PHTF2: variants seen among roughly 807,000 people sequenced by gnomAD.
PHTF2 encodes protein PHTF2.
In PHTF2, 60 loss-of-function variants were observed where a neutral mutation model predicts 101.2. That is an observed-to-expected ratio of 0.59 (90% confidence interval 0.48 to 0.73). The LOEUF (loss-of-function observed/expected upper bound fraction) is 0.73. PHTF2 is among the 30% of genes least tolerant of loss of function. PHTF2 has a pLI of 0.00. For missense variants in PHTF2, 747 were observed against 908.7 expected (o/e 0.82, Z 2.29); for synonymous variants, 311 against 307.3 (o/e 1.01, Z -0.13).
Position 77,835,441 on chromosome 7 carries a change from A to G in PHTF2, c.-35-4780A>G, listed in dbSNP as rs140510560. Among the ~76,000 whole-genome samples the G allele has an allele frequency of 2.6e-5, 4 of 152,308 alleles. No homozygotes were observed. In the East Asian group the frequency reaches 7.7e-4, roughly 29 times the overall value. ...TACATTGTTTTCTGAGCCTAGTGAG[A>G]GTCATGCCAGAACAGACAAATTTGT... On this transcript the variant is annotated intron_variant, in intron 1 of 19. Transcript: ENST00000416283.
intron 1 of PHTF2, among the ~76,000 whole-genome samples, chr7:77,812,520 A>C (rs1793518262): frequency 6.6e-6 from 1 of 152,220 alleles, no homozygotes; most frequent in Non-Finnish European, 1.5e-5. Context: ...ATGCTTCACA[A>C]GATGAATCAC....
exon 20 of PHTF2, chr7:77,957,223 T>C (rs1295056264): frequency 6.6e-6 from 1 of 152,018 alleles, no homozygotes; most frequent in Non-Finnish European, 1.5e-5. Context: ...ATTCTGTGAC[T>C]GACGGTGTTT....
rs531168676 is a variant in PHTF2, at chr7:77,854,437, C to T, written c.46-296C>T. 4.6e-5 allele frequency among the ~76,000 whole-genome samples: 7 copies of T among 152,242 alleles called. No individual in the cohort carries two copies. The East Asian group carries it at 9.7e-4, about 21-fold the overall frequency. The stretch of plus-strand genomic sequence containing the variant: ...ACTGTGTCTTGCCCAAGGCCTACAG[C>T]GACTACTACCTGGGCTATCAGTAAC... On this transcript the variant is annotated intron_variant, in intron 2 of 19. Transcript: ENST00000416283.
intron 3 of PHTF2, among the ~76,000 whole-genome samples, chr7:77,855,980 T>C (rs1370153437): frequency 6.6e-6 from 1 of 152,166 alleles, no homozygotes; most frequent in African/African-American, 2.4e-5. Flanking sequence ...TTTATAGAGG[T>C]GCTTTCTTGT....
At chr7:77,902,069 T>A (rs546513512) in intron 7 of PHTF2, 149 bp downstream of exon 6, 3 of 418,928 alleles carry the variant, frequency 7.2e-6, no homozygotes, top group Non-Finnish European at 1.3e-5. Context: ...ATTAAAAATA[T>A]TTGAGAAAAC....
intron 1 of PHTF2, among the ~76,000 whole-genome samples, chr7:77,811,884 T>A (rs1431580890): frequency 6.6e-6 from 1 of 152,164 alleles, no homozygotes; most frequent in Non-Finnish European, 1.5e-5. Context: ...CGGATGAGTA[T>A]ATATGTGGTG....
At chr7:77,944,211 GT>G (rs1247181777) in intron 16 of PHTF2, among the ~76,000 whole-genome samples, 3 of 152,138 alleles carry the variant, frequency 2.0e-5, no homozygotes, top group African/African-American at 7.2e-5. Flanking sequence ...TATTAGTATT[GT>G]ATCCCAGAGA....
At chr7:77,909,253 C>A (rs1802146880) in intron 8 of PHTF2, 1 of 221,212 alleles carries the variant, frequency 4.5e-6, no homozygotes, top group South Asian at 1.8e-4. Context: ...GTTAATAATT[C>A]CTACTACTTA....
chr7:77,900,548 C>A, intron 5 of PHTF2, 163 bp from the exon 5 acceptor site: 1 of 588,864 alleles, frequency 1.7e-6, no homozygotes, highest in African/African-American at 1.9e-5. Flanking sequence ...AAATTTATTA[C>A]AATACTGTAA....
At chr7:77,894,876 T>A (rs1800751067) in intron 5 of PHTF2, among the ~76,000 whole-genome samples, 1 of 151,466 alleles carries the variant, frequency 6.6e-6, no homozygotes, top group South Asian at 2.1e-4. Flanking sequence ...CCCCAAGGAG[T>A]TTGATTTGAT....
At chr7:77,836,714 A>C (rs1433978750) in intron 1 of PHTF2, among the ~76,000 whole-genome samples, 4 of 152,120 alleles carry the variant, frequency 2.6e-5, no homozygotes, top group Admixed American at 2.6e-4. Flanking sequence ...AAACTAACAC[A>C]AGAACAGAAA....
chr7:77,814,734 T>G (rs1449831497), intron 1 of PHTF2, among the ~76,000 whole-genome samples: 1 of 151,912 alleles, frequency 6.6e-6, no homozygotes, highest in Non-Finnish European at 1.5e-5. Flanking sequence ...ATGGTCTCAA[T>G]CTCCTGACCT....
intron 1 of PHTF2, among the ~76,000 whole-genome samples, chr7:77,805,417 G>A (rs937828932): frequency 2.0e-5 from 3 of 151,844 alleles, no homozygotes; most frequent in Admixed American, 2.0e-4. Flanking sequence ...GTTTCTATTC[G>A]TCTTTATTAT....
At chr7:77,864,567 TC>T (rs1010457344) in intron 3 of PHTF2, among the ~76,000 whole-genome samples, 3 of 152,182 alleles carry the variant, frequency 2.0e-5, no homozygotes, top group Admixed American at 1.3e-4. Context: ...TTTGAAGTCT[TC>T]CCATGCTATT....
chr7:77,954,624 A>ATG (rs1562982760), intron 19 of PHTF2, among the ~76,000 whole-genome samples: 1,462 of 141,720 alleles, frequency 0.01, 40 homozygotes, highest in African/African-American at 0.036. Context: ...ATATATATAT[A>ATG]TATATATATA....
At chr7:77,937,817 C>A (rs1249922712) in exon 13 of PHTF2, 1 of 1,536,446 alleles carries the variant, frequency 6.5e-7, no homozygotes, top group South Asian at 1.3e-5. Flanking sequence ...TACTTGAAAT[C>A]AGTGGAATGA....
At chr7:77,805,842 A>G (rs1376225538) in intron 1 of PHTF2, among the ~76,000 whole-genome samples, 2 of 152,260 alleles carry the variant, frequency 1.3e-5, no homozygotes, top group Non-Finnish European at 2.9e-5. Context: ...CAAATGATTC[A>G]TTCACACTTG....
chr7:77,870,682 A>G (rs1798443812), intron 3 of PHTF2, among the ~76,000 whole-genome samples: 1 of 152,150 alleles, frequency 6.6e-6, no homozygotes, highest in Non-Finnish European at 1.5e-5. Context: ...CAGTCCAGTC[A>G]AGTTTGCACT....
intron 3 of PHTF2, among the ~76,000 whole-genome samples, chr7:77,874,366 A>G (rs1371785405): frequency 1.3e-5 from 2 of 152,160 alleles, no homozygotes; most frequent in Non-Finnish European, 2.9e-5. Flanking sequence ...CTGTTGGTCA[A>G]GGTTCTCTAG....
Sources: gnomAD v4.1 joint callset for allele counts (sites outside exome capture counted in the v4.1 genomes callset) on GRCh38, gnomAD v4.1.1 for gene constraint, MANE v1.5 for transcripts, NCBI Gene and HGNC (gene_info 2026-07-23, HGNC 2026-07-21) for gene names.